The following MAST2 variants were observed in gnomAD, a reference collection of about 807,000 sequenced individuals.
MAST2 encodes microtubule associated serine/threonine kinase 2.
Under a neutral mutation model 147.4 loss-of-function variants are expected in MAST2, and 70 were observed. The ratio of observed to expected loss-of-function variants is 0.47; its 90% CI spans 0.39 to 0.58. The LOEUF (loss-of-function observed/expected upper bound fraction) is 0.58, where lower values mean the gene tolerates loss of function less well. Among genes scored for constraint, MAST2 ranks in the 20% least tolerant of loss-of-function variants. The pLI is 0.00. For synonymous variants in MAST2, 869 were observed against 896.8 expected (o/e 0.97, Z 0.55); for missense variants, 2,080 against 2,302.3 (o/e 0.90, Z 1.98).
At chr1:46,010,451 G>A (rs956208957) in intron 9 of MAST2, among the ~76,000 whole-genome samples, 1 of 152,192 alleles carries the variant, frequency 6.6e-6, no homozygotes, top group African/African-American at 2.4e-5. Context: ...GCAAACACCT[G>A]TGTGTCCGTA....
chr1:45,938,218 A>T (rs1656588846), intron 4 of MAST2, among the ~76,000 whole-genome samples: 1 of 152,242 alleles, frequency 6.6e-6, no homozygotes, highest in Non-Finnish European at 1.5e-5. Flanking sequence ...GTTTGGGAGT[A>T]TCACATTAAT....
intron 4 of MAST2, among the ~76,000 whole-genome samples, chr1:45,909,581 G>A (rs4553121): frequency 0.34 from 51,131 of 150,768 alleles, 9,054 homozygotes; most frequent in African/African-American, 0.44. Context: ...GTGCAGTGGT[G>A]TGGTCAATTC....
At position 46,023,372 on chromosome 1, in the gene MAST2, C is replaced by A; in HGVS notation, c.1571+54C>A. 6.6e-7 allele frequency: 1 copy of A among 1,516,754 alleles called. No homozygotes were observed. Among genetic ancestry groups the A allele is most frequent in the Non-Finnish European group, 9.2e-7 (1 of 1,092,486 alleles). The allele number at this position is 1,516,754 out of a possible 1,614,324, so 94.0% of individuals were successfully genotyped here. A position where few individuals can be genotyped will look rare whatever the true frequency, so the allele number is the denominator to read the frequency against. ...GACTGAAGCCGGGTCAGCCTTTGAT[C>A]TCTTCCATGTGAGAGTGTATGCTGC... On this transcript the variant is annotated intron_variant, in intron 14 of 28. Transcript: ENST00000361297. The surrounding 1 kb of genome is among the most constrained non-coding windows in gnomAD (Gnocchi z 4.9).
At chr1:45,810,300 T>A (rs953823059) in intron 1 of MAST2, among the ~76,000 whole-genome samples, 2 of 152,160 alleles carry the variant, frequency 1.3e-5, no homozygotes, top group African/African-American at 2.4e-5. Context: ...TTTTAAAAAA[T>A]TATTTTAATG....
intron 3 of MAST2, among the ~76,000 whole-genome samples, chr1:45,853,348 T>G (rs1022200272): frequency 2.6e-5 from 4 of 152,286 alleles, no homozygotes; most frequent in Admixed American, 1.3e-4. Context: ...CATTTATTAA[T>G]TTTTTAAAAA....
intron 5 of MAST2, among the ~76,000 whole-genome samples, chr1:45,972,987 C>T (rs776417116): frequency 1.7e-4 from 26 of 152,104 alleles, no homozygotes; most frequent in Non-Finnish European, 2.5e-4. Flanking sequence ...TCATTATTTT[C>T]ACTGTCTTCT....
At chr1:45,849,836 TTATC>T (rs1299128110) in intron 3 of MAST2, among the ~76,000 whole-genome samples, 1 of 152,222 alleles carries the variant, frequency 6.6e-6, no homozygotes, top group African/African-American at 2.4e-5. Context: ...CATATTTTCT[TTATC>T]TAGTCCACTG....
intron 4 of MAST2, 69 bp from the exon 5 acceptor site, chr1:45,959,317 A>G: frequency 7.7e-7 from 1 of 1,299,762 alleles, no homozygotes; most frequent in East Asian, 2.3e-5. Context: ...TTAGTTCCTT[A>G]AAAACCACTC....
At chr1:45,944,947 T>G (rs1203715612) in intron 4 of MAST2, among the ~76,000 whole-genome samples, 1 of 152,208 alleles carries the variant, frequency 6.6e-6, no homozygotes, top group Non-Finnish European at 1.5e-5. Flanking sequence ...TGCACCTTTT[T>G]GAGTATTTTA....
At chr1:46,018,882 T>C (rs749323180) in intron 10 of MAST2, among the ~76,000 whole-genome samples, 1 of 152,240 alleles carries the variant, frequency 6.6e-6, no homozygotes, top group African/African-American at 2.4e-5. Flanking sequence ...ACTGAGCTTA[T>C]CTTTTCTGCC....
chr1:45,998,648 A>G (rs1275197578), intron 6 of MAST2, among the ~76,000 whole-genome samples: 1 of 152,092 alleles, frequency 6.6e-6, no homozygotes. Flanking sequence ...CTCCAGGAAA[A>G]TTATGGTTCC....
chr1:45,811,637 C>CCTAA (rs1644304055), intron 1 of MAST2, among the ~76,000 whole-genome samples: 1 of 117,740 alleles, frequency 8.5e-6, no homozygotes. Context: ...CCGCACCCGG[C>CCTAA]TTTTTTTTTT....
At chr1:45,886,765 C>A (rs940539026) in intron 4 of MAST2, among the ~76,000 whole-genome samples, 1 of 152,124 alleles carries the variant, frequency 6.6e-6, no homozygotes, top group Non-Finnish European at 1.5e-5. Flanking sequence ...TTGCCCAATG[C>A]TATAGTGGGG....
chr1:45,875,522 AT>A (rs1176241058), intron 3 of MAST2, among the ~76,000 whole-genome samples: 20 of 152,206 alleles, frequency 1.3e-4, no homozygotes, highest in Non-Finnish European at 2.9e-5. Flanking sequence ...AACAGGTACT[AT>A]ATATGATATT....
chr1:45,882,343 T>C (rs113845528), intron 3 of MAST2, 21 bp from the exon 4 acceptor site: 4 of 1,603,004 alleles, frequency 2.5e-6, no homozygotes, highest in Non-Finnish European at 2.6e-6. Flanking sequence ...ATTTCTAACT[T>C]GCATATGTTT....
At chr1:45,878,929 G>A (rs1320719878) in intron 3 of MAST2, among the ~76,000 whole-genome samples, 2 of 84,864 alleles carry the variant, frequency 2.4e-5, no homozygotes, top group Non-Finnish European at 5.5e-5. Context: ...ATCCCAGCAG[G>A]CTTTTTTTTT....
chr1:45,840,458 A>T (rs2147902338), intron 3 of MAST2, among the ~76,000 whole-genome samples: 1 of 152,322 alleles, frequency 6.6e-6, no homozygotes, highest in South Asian at 2.1e-4. Flanking sequence ...CCTGTGTTCC[A>T]CATCCTACTC....
chr1:45,882,511 T>C (rs1557864224), intron 4 of MAST2, 116 bp downstream of exon 4: 2 of 763,418 alleles, frequency 2.6e-6, no homozygotes, highest in Non-Finnish European at 4.3e-6. Context: ...TCTTTCTGTG[T>C]ACTCCTATCT....
intron 5 of MAST2, among the ~76,000 whole-genome samples, chr1:45,969,691 T>C (rs1361398722): frequency 2.0e-5 from 3 of 152,070 alleles, no homozygotes; most frequent in Non-Finnish European, 4.4e-5. Context: ...GGGCTCCCAC[T>C]GATTCTATAT....
Sources: gnomAD v4.1 joint callset for allele counts (sites outside exome capture counted in the v4.1 genomes callset) on GRCh38, gnomAD v4.1.1 for gene constraint, Gnocchi (gnomAD v3.1) non-coding constraint, MANE v1.5 for transcripts, NCBI Gene and HGNC (gene_info 2026-07-23, HGNC 2026-07-21) for gene names.